APOB: variants seen among roughly 807,000 people sequenced by gnomAD.
APOB encodes the protein apolipoprotein B, also known as apolipoprotein B-100.
Under a neutral mutation model 314.1 loss-of-function variants are expected in APOB, and 153 were observed. That is an observed-to-expected ratio of 0.49 (90% CI 0.43 to 0.56). The LOEUF is 0.56. Ranked by LOEUF, APOB falls within the 20% of genes least tolerant of loss-of-function variation. The pLI is 0.00. For missense variants in APOB, 5,430 were observed against 5,350.7 expected, an observed-to-expected ratio of 1.01 and a Z score of -0.46; for synonymous variants, 2,087 against 2,036.4, an observed-to-expected ratio of 1.02 and a Z score of -0.67.
intron 15 of APOB, among the ~76,000 whole-genome samples, chr2:21,025,727 A>C (rs1037127264): frequency 2.6e-5 from 4 of 152,200 alleles, no homozygotes; most frequent in Non-Finnish European, 4.4e-5. Context: ...TGGAGGGGTA[A>C]ATTACTGCCT....
chr2:21,044,027 G>C lies in APOB; in HGVS notation c.-82C>G. The C allele has an allele frequency of 1.5e-6, 1 of 680,520 alleles. No individual in the cohort carries two copies. The allele number at this position is 680,520 out of a possible 1,614,324, so 42.2% of individuals were successfully genotyped here. A position where few individuals can be genotyped will look rare whatever the true frequency, so the allele number is the denominator to read the frequency against. ...TGGCTGGCTGGGCGGGCTCCTCAGC[G>C]GCAGCAACCGAGAAGGGCACTCAGC... On this transcript the variant is annotated 5_prime_UTR_variant, in exon 1 of 29. Coordinates refer to ENST00000233242, the MANE Select transcript of APOB (RefSeq NM_000384.3).
At chr2:21,016,991 A>AAAT (rs1553384680) in intron 20 of APOB, among the ~76,000 whole-genome samples, 3 of 81,324 alleles carry the variant, frequency 3.7e-5, no homozygotes, top group Non-Finnish European at 7.7e-5. Flanking sequence ...CTCAAAAAAT[A>AAAT]AATAAATAAA....
intron 9 of APOB, 99 bp from the exon 10 acceptor site, chr2:21,032,680 T>A: frequency 1.1e-6 from 1 of 891,326 alleles, no homozygotes; most frequent in Non-Finnish European, 1.7e-6. Flanking sequence ...CTTAATCACC[T>A]CATTCACTAT....
chr2:21,004,537 T>C, intron 27 of APOB, 24 bp downstream of exon 27: 1 of 1,612,466 alleles, frequency 6.2e-7, no homozygotes, highest in Non-Finnish European at 8.5e-7. Flanking sequence ...GGTATAAGGT[T>C]TCAATTCAAT....
At position 21,010,341 on chromosome 2, in the gene APOB, G is replaced by A; in HGVS notation, c.6527C>T (p.Thr2176Ile). The change falls in exon 26 of 29, where the codon ACA (threonine) becomes ATA (isoleucine). Residue 2176 changes from threonine to isoleucine, a missense_variant. Around this residue, in one of 3 missense-constraint regions of APOB, gnomAD observed 3,281 missense variants for 3,171.0 expected, o/e 1.03. Coordinates refer to ENST00000233242, the MANE Select transcript of APOB (RefSeq NM_000384.3). ...NFNEKLSQLQ[T>I]YMIQFDQYIK... ...ATACTGATCAAATTGTATCATATAT[G>A]TCTGCAGTTGAGATAGTTTTTCATT... 6.4e-7 allele frequency: 1 copy of A among 1,568,254 alleles called. No homozygotes were observed. The highest frequency in any genetic ancestry group is 8.6e-7 in the Non-Finnish European group (1 of 1,156,142).
Position 21,019,106 on chromosome 2 carries a change from G to C in APOB, c.3007C>G (p.Leu1003Val). The part of the protein sequence containing the change: ...YPLTGDTRLE[L>V]ELRPTGEIEQ... ...ATCTCTCCTGTAGGCCTCAGTTCCAGCTCTAATCTAAAGACATTACAATGA... is the reference window on the plus strand; with the variant it reads ...ATCTCTCCTGTAGGCCTCAGTTCCACCTCTAATCTAAAGACATTACAATGA... Residue 1003 changes from leucine (L) to valine (V), a missense_variant, in exon 20 of 29, where the codon CTG (leucine) becomes GTG (valine). By Grantham distance (32) the Leu-to-Val change is conservative. Transcript: ENST00000233242. The C allele has an allele frequency of 1.9e-6, 3 of 1,613,986 alleles. No homozygotes were observed. The South Asian group carries it at 3.3e-5, about 18-fold the overall frequency.
intron 3 of APOB, 94 bp downstream of exon 3, chr2:21,042,267 C>T: frequency 2.2e-6 from 2 of 902,104 alleles, no homozygotes; most frequent in Non-Finnish European, 3.8e-6. Context: ...GCTCAGTACA[C>T]ACCCTCCGGG....
Position 21,006,451 on chromosome 2 carries a change from C to T in APOB, c.10417G>A (p.Ala3473Thr), listed in dbSNP as rs150790543. Residue 3473 changes from alanine to threonine, a missense_variant, in exon 26 of 29, where the codon GCT becomes ACT. By Grantham distance (58) the Ala-to-Thr change is moderately conservative. Coordinates refer to ENST00000233242, the MANE Select transcript of APOB (RefSeq NM_000384.3). ...DFNSSMLYST[A>T]KGAVDHKLSL... ...AGCTTGTGGTCAACTGCTCCTTTAG[C>T]GGTAGAGTACAGCATTGAAGAATTG... 4.0e-5 allele frequency: 65 copies of T among 1,613,950 alleles called. 1 individual carries two copies. In the Middle Eastern group the frequency reaches 6.6e-4, roughly 16 times the overall value.
intron 2 of APOB, among the ~76,000 whole-genome samples, chr2:21,043,100 C>A (rs926747398): frequency 4.7e-5 from 7 of 149,928 alleles, no homozygotes; most frequent in Non-Finnish European, 1.0e-4. Flanking sequence ...CGCTTGGAGG[C>A]CAGTTCCTTT....
At position 21,001,647 on chromosome 2, in the gene APOB, C is replaced by G; in HGVS notation, c.*83G>C. 7.2e-7 allele frequency: 1 copy of G among 1,393,412 alleles called. No homozygotes were observed. The highest frequency in any genetic ancestry group is 2.3e-5 in the East Asian group (1 of 43,096). 86.3% of individuals were successfully genotyped at this position (1,393,412 alleles called of 1,614,324 possible). A position where few individuals can be genotyped will look rare whatever the true frequency, so the allele number is the denominator to read the frequency against. On this transcript the variant is annotated 3_prime_UTR_variant, in exon 29 of 29. Transcript: ENST00000233242. ...AGGCTGGCTCACTGTATGGTTTTAT[C>G]AATATAGGCAGTTTGAATTTTTTCT...
chr2:21,005,843 G>A lies in APOB; in HGVS notation c.11025C>T (p.Ile3675=), dbSNP rs1663118630. ...AGCTCTTGTCATAGACTGGTAGGAT[G>A]ATATTTTTGAGGAACCTTAGGTGTC... The part of the protein sequence containing the change: ...LEGHLRFLKN[I]ILPVYDKSLW... Residue 3675 remains isoleucine (I), a synonymous_variant, in exon 26 of 29, where the codon ATC becomes ATT. Coordinates refer to ENST00000233242, the MANE Select transcript of APOB (RefSeq NM_000384.3). 1.9e-6 allele frequency: 3 copies of A among 1,614,044 alleles called. No homozygotes were observed. The East Asian group carries it at 6.7e-5, about 36-fold the overall frequency.
At position 21,028,317 on chromosome 2, in the gene APOB, T is replaced by A. The variant is rs1211569620; in HGVS notation, c.1829+10A>T. 1 of 1,608,692 alleles carries A rather than the reference T, an allele frequency of 6.2e-7. No individual in the cohort carries two copies. The highest frequency in any genetic ancestry group is 8.5e-7 in the Non-Finnish European group (1 of 1,175,172). ...CTCAGTGGTATATGGGGTGAATAGC[T>A]CTTACTTACTCTTGGATATCCAATT... On this transcript the variant is annotated intron_variant, in intron 13 of 28. Coordinates refer to ENST00000233242, the MANE Select transcript of APOB (RefSeq NM_000384.3).
At chr2:21,017,947 G>A (rs1359541543) in intron 20 of APOB, among the ~76,000 whole-genome samples, 4 of 151,840 alleles carry the variant, frequency 2.6e-5, no homozygotes, top group East Asian at 1.9e-4. Context: ...CCTGCTCCTC[G>A]CTATCCCTAT....
chr2:21,031,318 A>AT (rs1192763995), intron 10 of APOB, among the ~76,000 whole-genome samples: 1 of 152,258 alleles, frequency 6.6e-6, no homozygotes, highest in Non-Finnish European at 1.5e-5. Flanking sequence ...ATGGAACTGG[A>AT]GGTCATTGTC....
Position 21,029,312 on chromosome 2 carries a change from G to A in APOB, c.1617+327C>T, listed in dbSNP as rs184358787. ...TAAAAAATACAAAAATTAGCTGGGT[G>A]TAATGGCACATGCCTGTAATCCCAG... On this transcript the variant is annotated intron_variant, in intron 12 of 28. Transcript: ENST00000233242. Among the ~76,000 whole-genome samples, 294 of 152,304 alleles carry A rather than the reference G, an allele frequency of 1.9e-3. 1 individual carries two copies. The highest frequency in any genetic ancestry group is 8.3e-3 in the East Asian group (43 of 5,174).
rs1167600013 is a variant in APOB at position 21,038,078 on chromosome 2, C to T, written c.417G>A (p.Lys139=). Reference sequence around the variant, plus strand: ...CTTTCTCCGGGTAAAGGAAAACCTGCTTCCCTTCTGGAATGGCCAGCTTGA... The same window carrying T: ...CTTTCTCCGGGTAAAGGAAAACCTGTTTCCCTTCTGGAATGGCCAGCTTGA... ...YELKLAIPEG[K]QVFLYPEKDE... is the part of the protein sequence containing the mutation. The change falls in exon 5 of 29, where the codon AAG becomes AAA. Residue 139 remains lysine (K), a synonymous_variant. Transcript: ENST00000233242. 3 of 1,614,186 alleles carry T rather than the reference C, an allele frequency of 1.9e-6. No homozygotes were observed. The highest frequency in any genetic ancestry group is 2.2e-5 in the South Asian group (2 of 91,078).
At chr2:21,043,198 C>T (rs1664174981) in intron 2 of APOB, among the ~76,000 whole-genome samples, 1 of 151,954 alleles carries the variant, frequency 6.6e-6, no homozygotes. Flanking sequence ...CCCTCACATG[C>T]TTCGAATCAA....
Position 21,002,109 on chromosome 2 carries a change from CT to C in APOB, c.13312del (p.Ser4438ValfsTer39), listed in dbSNP as rs986583835. 6.2e-7 allele frequency: 1 copy of C among 1,613,830 alleles called. No individual in the cohort carries two copies. Among genetic ancestry groups the C allele is most frequent in the African/African-American group, 1.3e-5 (1 of 74,884 alleles). ...TCTGTGCAGAAATTGCTCAACTTGA[CT>C]TGAGAGTTGGGAAGTAAAGTTAGAG... Reference protein sequence around the residue: ...SASNFTSQLSSQVEQFLHRNI... With the variant: ...SASNFTSQLSXQVEQFLHRNI... On this transcript the variant is annotated frameshift_variant, in exon 29 of 29. Coordinates refer to ENST00000233242, the MANE Select transcript of APOB (RefSeq NM_000384.3). LOFTEE classifies it low-confidence loss of function (END_TRUNC).
intron 7 of APOB, 48 bp downstream of exon 7, chr2:21,035,536 C>A: frequency 6.2e-7 from 1 of 1,609,292 alleles, no homozygotes. Flanking sequence ...GTGTTCAGTT[C>A]ACACTGACCC....
Sources: gnomAD v4.1 joint callset for allele counts (sites outside exome capture counted in the v4.1 genomes callset) on GRCh38, gnomAD v4.1.1 for gene constraint, gnomAD v4.1.1 regional missense constraint, MANE v1.5 for transcripts, NCBI Gene and HGNC (gene_info 2026-07-23, HGNC 2026-07-21) for gene names.